The following AOAH variants were observed in gnomAD, a reference collection of about 807,000 sequenced individuals.
AOAH encodes the protein acyloxyacyl hydrolase (neutrophil).
Under a neutral mutation model 92.2 loss-of-function variants are expected in AOAH, and 64 were observed. The observed-to-expected ratio is 0.69, with a 90% CI of 0.57 to 0.86. The LOEUF is 0.86. Ranked by LOEUF, AOAH falls within the 40% of genes least tolerant of loss-of-function variation. AOAH has a pLI of 0.00. For missense variants in AOAH, 656 were observed against 694.6 expected, an observed-to-expected ratio of 0.94 and a Z score of 0.62; for synonymous variants, 263 against 254.5, an observed-to-expected ratio of 1.03 and a Z score of -0.32.
intron 20 of AOAH, among the ~76,000 whole-genome samples, chr7:36,520,672 T>A (rs1583716315): frequency 7.0e-6 from 1 of 143,378 alleles, no homozygotes; most frequent in South Asian, 2.2e-4. Flanking sequence ...ACCATTGCAC[T>A]CCAGCCGGGG....
chr7:36,522,255 G>A, intron 19 of AOAH, 140 bp from the exon 20 acceptor site: 1 of 650,412 alleles, frequency 1.5e-6, no homozygotes, highest in Non-Finnish European at 2.7e-6. Context: ...CTGCTCTCTT[G>A]CACTGGGGGA....
rs956725852 is a variant in AOAH at position 36,516,511 on chromosome 7, C to T, written c.1600-3131G>A. On this transcript the variant is annotated intron_variant, in intron 20 of 20. Transcript: ENST00000617537. This position sits in a 1 kb window ranked among gnomAD's most constrained non-coding sequence, Gnocchi z 5.0. ...CAGAAAGCGCACACAGCATTCACACCCCACATATACTTCTTTGCACTTAAA... is the reference window on the plus strand; with the variant it reads ...CAGAAAGCGCACACAGCATTCACACTCCACATATACTTCTTTGCACTTAAA... Among the ~76,000 whole-genome samples, 1 of 151,438 alleles carries T rather than the reference C, an allele frequency of 6.6e-6. No homozygotes were observed. The highest frequency in any genetic ancestry group is 1.5e-5 in the Non-Finnish European group (1 of 67,944).
At chr7:36,533,678 CGTGT>C (rs5883560) in intron 16 of AOAH, among the ~76,000 whole-genome samples, 56 of 149,116 alleles carry the variant, frequency 3.8e-4, no homozygotes, top group East Asian at 2.6e-3. Context: ...ATTTTGTGTG[CGTGT>C]GTGTGTGTGT....
chr7:36,619,604 G>A (rs1414510523), intron 9 of AOAH, among the ~76,000 whole-genome samples: 3 of 152,296 alleles, frequency 2.0e-5, no homozygotes, highest in African/African-American at 7.2e-5. Context: ...TGTTCTCCAT[G>A]AAAAGTCAGA....
intron 1 of AOAH, among the ~76,000 whole-genome samples, chr7:36,706,202 A>G (rs1167246851): frequency 6.6e-6 from 1 of 152,192 alleles, no homozygotes; most frequent in Non-Finnish European, 1.5e-5. Context: ...TAAAGTCAAA[A>G]TGACTTCTTG....
At chr7:36,640,357 C>T (rs1039273940) in intron 4 of AOAH, among the ~76,000 whole-genome samples, 2 of 152,174 alleles carry the variant, frequency 1.3e-5, no homozygotes, top group African/African-American at 4.8e-5. Flanking sequence ...AGCATTTCTG[C>T]AAGATGCAGT....
In AOAH at chr7:36,686,727, C is replaced by T. The variant is rs747704933; in HGVS notation, c.195G>A (p.Ser65=). 2.4e-5 allele frequency: 38 copies of T among 1,562,382 alleles called. No homozygotes were observed. The highest frequency in any genetic ancestry group is 1.2e-4 in the South Asian group (10 of 83,688). The change falls in exon 2 of 21, where the codon TCG becomes TCA. Residue 65 remains serine, a synonymous_variant. Transcript: ENST00000617537. ...GCAGGTAGCTGCACAGTCTCTCCAT[C>T]GAGGCCTGGACCGTCGAGTTGTGAA... ...AQVHNSTVQA[S]MERLCSYLPE...
chr7:36,608,972 T>C (rs990846803), intron 11 of AOAH, among the ~76,000 whole-genome samples: 9 of 151,966 alleles, frequency 5.9e-5, no homozygotes, highest in African/African-American at 1.9e-4. Flanking sequence ...GGGATGGCTC[T>C]TTAGTAGTCT....
At chr7:36,564,803 C>T (rs1369281936) in intron 13 of AOAH, among the ~76,000 whole-genome samples, 1 of 152,234 alleles carries the variant, frequency 6.6e-6, no homozygotes, top group East Asian at 1.9e-4. Context: ...ACACTCTTCA[C>T]ATTACAATCA....
intron 1 of AOAH, among the ~76,000 whole-genome samples, chr7:36,716,880 G>T (rs1052347179): frequency 6.6e-6 from 1 of 151,864 alleles, no homozygotes; most frequent in African/African-American, 2.4e-5. Context: ...GTTAAATGAT[G>T]AGTTAATGGG....
intron 1 of AOAH, among the ~76,000 whole-genome samples, chr7:36,720,732 T>C (rs1442814429): frequency 6.6e-6 from 1 of 152,188 alleles, no homozygotes; most frequent in Admixed American, 6.5e-5. Context: ...TCCTCTAAAC[T>C]GGACAGTGAA....
At chr7:36,669,467 C>T (rs1490112687) in intron 3 of AOAH, among the ~76,000 whole-genome samples, 2 of 150,838 alleles carry the variant, frequency 1.3e-5, no homozygotes, top group African/African-American at 2.4e-5. Flanking sequence ...ATTGCAACCT[C>T]CACCTCCTGG....
At chr7:36,648,974 T>C (rs1794408319) in intron 4 of AOAH, among the ~76,000 whole-genome samples, 1 of 152,180 alleles carries the variant, frequency 6.6e-6, no homozygotes, top group African/African-American at 2.4e-5. Context: ...GAATTTTGAT[T>C]TTTTCTCTGT....
intron 4 of AOAH, among the ~76,000 whole-genome samples, chr7:36,643,592 G>A (rs1794040680): frequency 6.6e-6 from 1 of 152,112 alleles, no homozygotes; most frequent in Non-Finnish European, 1.5e-5. Context: ...ATTTTTTTGT[G>A]CAGTTGTTCA....
chr7:36,526,002 G>C (rs546006553), intron 19 of AOAH, among the ~76,000 whole-genome samples: 20 of 152,206 alleles, frequency 1.3e-4, no homozygotes, highest in Admixed American at 3.9e-4. Context: ...CCTAGGGTTG[G>C]GGGCAGTGGG....
chr7:36,546,987 T>C (rs530076997), intron 15 of AOAH, among the ~76,000 whole-genome samples: 1 of 152,174 alleles, frequency 6.6e-6, no homozygotes, highest in African/African-American at 2.4e-5. Context: ...AGACAGGGAA[T>C]GGAATTTGGT....
intron 2 of AOAH, among the ~76,000 whole-genome samples, chr7:36,678,621 A>C (rs1050087930): frequency 9.3e-6 from 1 of 107,210 alleles, no homozygotes; most frequent in African/African-American, 3.3e-5. Context: ...GCGCGTTAGA[A>C]TTCTGTTTAG....
chr7:36,666,125 T>C (rs1795518011), intron 3 of AOAH, among the ~76,000 whole-genome samples: 1 of 152,136 alleles, frequency 6.6e-6, no homozygotes, highest in African/African-American at 2.4e-5. Flanking sequence ...AGACTTGGTA[T>C]ACCTTCTTTC....
At chr7:36,517,236 C>CTTTCTTTT (rs1346541472) in intron 20 of AOAH, among the ~76,000 whole-genome samples, 1 of 56,732 alleles carries the variant, frequency 1.8e-5, no homozygotes. Flanking sequence ...GTCTCTCTCT[C>CTTTCTTTT]TCTCTCTCTT....
Sources: gnomAD v4.1 joint callset for allele counts (sites outside exome capture counted in the v4.1 genomes callset) on GRCh38, gnomAD v4.1.1 for gene constraint, Gnocchi (gnomAD v3.1) non-coding constraint, MANE v1.5 for transcripts, NCBI Gene and HGNC (gene_info 2026-07-23, HGNC 2026-07-21) for gene names.